EXOC3: variants seen among roughly 807,000 people sequenced by gnomAD.
The protein encoded by EXOC3 is exocyst complex component 3, also known as SEC6-like 1.
A neutral mutation model predicts 73.7 loss-of-function variants in EXOC3; 21 were observed. The observed-to-expected ratio is 0.29, with a 90% CI of 0.20 to 0.41. The LOEUF (loss-of-function observed/expected upper bound fraction) is 0.41, where lower values mean the gene tolerates loss of function less well. Among genes scored for constraint, EXOC3 ranks in the 10% least tolerant of loss-of-function variants. The pLI is 1.00. For synonymous variants in EXOC3, 410 were observed against 389.1 expected (o/e 1.05, Z -0.63); for missense variants, 842 against 985.1 (o/e 0.85, Z 1.95).
intron 1 of EXOC3, among the ~76,000 whole-genome samples, chr5:444,470 G>A (rs191379620): frequency 5.6e-4 from 86 of 152,330 alleles, no homozygotes; most frequent in African/African-American, 2.0e-3. Context: ...CCCCAGCAGA[G>A]CGGCTGGGGG....
At chr5:459,225 C>T in intron 6 of EXOC3, 134 bp from the exon 7 acceptor site, 11 of 246,424 alleles carry the variant, frequency 4.5e-5, no homozygotes, top group South Asian at 3.8e-4. Context: ...CACGTGGTTT[C>T]ATTTTTTTTT....
Position 453,661 on chromosome 5 carries a change from A to G in EXOC3, c.656A>G (p.Glu219Gly), listed in dbSNP as rs984887030. The change falls in exon 4 of 13, where the codon GAA (glutamate) becomes GGA (glycine). Residue 219 changes from glutamate to glycine, a missense_variant. Coordinates refer to ENST00000512944, the MANE Select transcript of EXOC3 (RefSeq NM_007277.5). ...LVSVVRIIEREEKIDRRILDR... is the reference protein window; with the variant it reads ...LVSVVRIIERGEKIDRRILDR... Reference sequence around the variant, plus strand: ...TCAGTTGTCAGGATCATTGAAAGGGAAGAGAAAATTGACAGGCGCATACTT... The same window carrying G: ...TCAGTTGTCAGGATCATTGAAAGGGGAGAGAAAATTGACAGGCGCATACTT... 6.2e-7 allele frequency: 1 copy of G among 1,613,918 alleles called. No homozygotes were observed. Among genetic ancestry groups the G allele is most frequent in the Non-Finnish European group, 8.5e-7 (1 of 1,179,872 alleles).
chr5:465,733 G>A lies in EXOC3; in HGVS notation c.1954G>A (p.Val652Met), dbSNP rs1579747387. 1 of 1,613,892 alleles carries A rather than the reference G, an allele frequency of 6.2e-7. No individual in the cohort carries two copies. The highest frequency in any genetic ancestry group is 8.5e-7 in the Non-Finnish European group (1 of 1,179,860). The change falls in exon 12 of 13, where the codon GTG (valine) becomes ATG (methionine). Residue 652 changes from valine to methionine, a missense_variant. Coordinates refer to ENST00000512944, the MANE Select transcript of EXOC3 (RefSeq NM_007277.5). ...TGCCTTCCAGGGTTTCGGGGAAGAC[G>A]TGGACGGATACTGCGACACCATCGT... The part of the protein sequence containing the change: ...RKLASGFGED[V>M]DGYCDTIVAV...
intron 3 of EXOC3, among the ~76,000 whole-genome samples, chr5:448,653 C>T (rs547947723): frequency 4.6e-5 from 7 of 152,328 alleles, no homozygotes; most frequent in Admixed American, 1.3e-4. Context: ...TCATCTGTGA[C>T]GCTGCTCGGC....
rs753678939 is a variant in EXOC3 at position 462,017 on chromosome 5, T to G, written c.1449T>G (p.Pro483=). The stretch of plus-strand genomic sequence containing the variant: ...AGCACCTGAGGAATCGGCAGCACCC[T>G]CACTGCTACGTTCAGTACATGATCG... ...KEEHLRNRQH[P]HCYVQYMIAI... Residue 483 remains proline, a synonymous_variant, in exon 8 of 13, where the codon CCT becomes CCG. Transcript: ENST00000512944. 6.2e-7 allele frequency: 1 copy of G among 1,607,996 alleles called. No homozygotes were observed. The highest frequency in any genetic ancestry group is 8.5e-7 in the Non-Finnish European group (1 of 1,177,134).
intron 6 of EXOC3, among the ~76,000 whole-genome samples, chr5:458,377 T>C (rs1737884730): frequency 6.6e-6 from 1 of 152,242 alleles, no homozygotes; most frequent in South Asian, 2.1e-4. Flanking sequence ...TGGCACATGA[T>C]TGAGTTTAAA....
intron 12 of EXOC3, chr5:466,053 T>G: frequency 9.5e-6 from 3 of 314,888 alleles, no homozygotes; most frequent in South Asian, 3.1e-5. Flanking sequence ...ACAGTGTGGG[T>G]GGGTGGAGCT....
In EXOC3 at chr5:453,725, G is replaced by A; in HGVS notation, c.720G>A (p.Arg240=). The change falls in exon 4 of 13, where the codon AGG becomes AGA. Residue 240 remains arginine, a synonymous_variant. Coordinates refer to ENST00000512944, the MANE Select transcript of EXOC3 (RefSeq NM_007277.5). The part of the protein sequence containing the change: ...KKQTGFVPPG[R]PKNWKEKMFT... ...AAACTGGCTTTGTTCCTCCTGGGAG[G>A]CCCAAGAATTGGAAGGAGAAAATGT... 1.2e-6 allele frequency: 2 copies of A among 1,613,918 alleles called. No individual in the cohort carries two copies. The highest frequency in any genetic ancestry group is 2.2e-5 in the East Asian group (1 of 44,882).
intron 10 of EXOC3, chr5:464,734 C>T (rs922603540): frequency 2.4e-6 from 1 of 409,508 alleles, no homozygotes; most frequent in Non-Finnish European, 4.5e-6. Context: ...ACCCTCCTTC[C>T]TGCAGGACCC....
At chr5:465,317 C>T (rs1257193114) in intron 11 of EXOC3, 45 bp downstream of exon 11, 11 of 1,546,170 alleles carry the variant, frequency 7.1e-6, no homozygotes, top group East Asian at 2.4e-5. Context: ...TGTCGCTCCG[C>T]GGCCCTGTTC....
intron 9 of EXOC3, 122 bp downstream of exon 9, chr5:462,429 A>C: frequency 1.8e-6 from 2 of 1,128,378 alleles, no homozygotes; most frequent in Non-Finnish European, 2.6e-6. Context: ...CGGGCTGTGC[A>C]CTTGCATTCC....
At position 458,903 on chromosome 5, in the gene EXOC3, G is replaced by T. The variant is rs191273291; in HGVS notation, c.1291-456G>T. 1.6e-4 allele frequency among the ~76,000 whole-genome samples: 25 copies of T among 152,336 alleles called. 1 individual carries two copies. The East Asian group carries it at 4.6e-3, about 28-fold the overall frequency. ...AACAGATGCCGTGAGAAACTGTGAG[G>T]AGAGCTCTGTCCCCTTGCCCTTCCT... On this transcript the variant is annotated intron_variant, in intron 6 of 12. Coordinates refer to ENST00000512944, the MANE Select transcript of EXOC3 (RefSeq NM_007277.5).
Position 459,380 on chromosome 5 carries a change from G to A in EXOC3, c.1312G>A (p.Val438Ile). 1 of 1,562,132 alleles carries A rather than the reference G, an allele frequency of 6.4e-7. No homozygotes were observed. Among genetic ancestry groups the A allele is most frequent in the Non-Finnish European group, 8.7e-7 (1 of 1,148,198 alleles). ...TTAGATGTTTGAACAGAATCTTCAA[G>A]TTGCTGCTCAGATAAGTGAAGATTT... ...VFQMFEQNLQ[V>I]AAQISEDLKT... Residue 438 changes from valine to isoleucine, a missense_variant, in exon 7 of 13, where the codon GTT becomes ATT. Physicochemically the swap from Val to Ile is conservative, Grantham distance 29. Transcript: ENST00000512944.
Position 465,796 on chromosome 5 carries a change from C to T in EXOC3, c.2017C>T (p.Leu673=). The T allele has an allele frequency of 1.9e-6, 3 of 1,613,494 alleles. No homozygotes were observed. The highest frequency in any genetic ancestry group is 1.3e-5 in the African/African-American group (1 of 75,064). The change falls in exon 12 of 13, where the codon CTG becomes TTG. Residue 673 remains leucine (L), a synonymous_variant. Coordinates refer to ENST00000512944, the MANE Select transcript of EXOC3 (RefSeq NM_007277.5). ...AGTGATCAAGCTGACAGACCCTTCT[C>T]TGCTCTACCTGGAGGTCTCCACTCT... is the stretch of plus-strand genomic sequence containing the variant. ...AEVIKLTDPS[L]LYLEVSTLVS... is the part of the protein sequence containing the mutation.
At chr5:461,794 G>C in intron 7 of EXOC3, 166 bp from the exon 8 acceptor site, 1 of 604,346 alleles carries the variant, frequency 1.7e-6, no homozygotes, top group Non-Finnish European at 3.0e-6. Context: ...CAACCTCTCT[G>C]TCCTTCCATT....
intron 6 of EXOC3, among the ~76,000 whole-genome samples, chr5:458,373 A>G (rs1737884400): frequency 6.6e-6 from 1 of 152,238 alleles, no homozygotes; most frequent in South Asian, 2.1e-4. Flanking sequence ...AAAATGGCAC[A>G]TGATTGAGTT....
At chr5:464,257 T>A (rs769813191) in intron 9 of EXOC3, 33 bp from the exon 10 acceptor site, 29 of 1,605,340 alleles carry the variant, frequency 1.8e-5, no homozygotes, top group Admixed American at 5.0e-5. Flanking sequence ...GACGTTGAGG[T>A]GATGATTTCT....
At position 462,052 on chromosome 5, in the gene EXOC3, A is replaced by G. The variant is rs1738001697; in HGVS notation, c.1484A>G (p.Asn495Ser). 6.2e-7 allele frequency: 1 copy of G among 1,610,514 alleles called. No individual in the cohort carries two copies. The highest frequency in any genetic ancestry group is 1.7e-5 in the Admixed American group (1 of 59,390). The stretch of plus-strand genomic sequence containing the variant: ...GTTCAGTACATGATCGCCATCATCA[A>G]CAACTGCCAGACCTTCAAGTGAGTG... ...CYVQYMIAII[N>S]NCQTFKESIV... The change falls in exon 8 of 13, where the codon AAC (asparagine) becomes AGC (serine). Residue 495 changes from asparagine (N) to serine (S), a missense_variant. Transcript: ENST00000512944.
At chr5:463,605 G>A (rs977918107) in intron 9 of EXOC3, among the ~76,000 whole-genome samples, 1 of 152,210 alleles carries the variant, frequency 6.6e-6, no homozygotes, top group Non-Finnish European at 1.5e-5. Context: ...AGCCATTGTA[G>A]TTTTAATCTG....
Sources: gnomAD v4.1 joint callset for allele counts (sites outside exome capture counted in the v4.1 genomes callset) on GRCh38, gnomAD v4.1.1 for gene constraint, MANE v1.5 for transcripts, NCBI Gene and HGNC (gene_info 2026-07-23, HGNC 2026-07-21) for gene names.